Variants in FAM81A observed in about 807,000 individuals in gnomAD.
FAM81A encodes the protein family with sequence similarity 81 member A.
Under a neutral mutation model 46.7 loss-of-function variants are expected in FAM81A, and 19 were observed. That is an observed-to-expected ratio of 0.41 (90% confidence interval 0.28 to 0.60). The LOEUF is 0.60. Ranked by LOEUF, FAM81A falls within the 20% of genes least tolerant of loss-of-function variation. The pLI, the probability that FAM81A is intolerant of heterozygous loss-of-function variation, is 0.34. For synonymous variants in FAM81A, 183 were observed against 152.9 expected, an observed-to-expected ratio of 1.20 and a Z score of -1.45; for missense variants, 377 against 453.5, an observed-to-expected ratio of 0.83 and a Z score of 1.53.
rs199893551 is a variant in FAM81A at position 59,492,428 on chromosome 15, C to A, written c.413+39C>A. The A allele has an allele frequency of 2.0e-6, 3 of 1,522,512 alleles. No individual in the cohort carries two copies. The African/African-American group carries it at 4.1e-5, about 21-fold the overall frequency. 94.3% of individuals were successfully genotyped at this position (1,522,512 alleles called of 1,614,324 possible). On this transcript the variant is annotated intron_variant, in intron 4 of 8. Coordinates refer to ENST00000288228, the MANE Select transcript of FAM81A (RefSeq NM_152450.3). ...TGTTGGGGTCTCTGCTCATCAAAAA[C>A]CATTTTCTATAAACTCCATTATAGT...
chr15:59,468,234 G>A (rs1317643239), intron 3 of FAM81A, among the ~76,000 whole-genome samples: 2 of 152,136 alleles, frequency 1.3e-5, no homozygotes, highest in African/African-American at 2.4e-5. Context: ...AAGTGAGTTA[G>A]GGAGGATTCC....
chr15:59,506,150 G>T (rs1431073884), intron 4 of FAM81A, among the ~76,000 whole-genome samples: 1 of 149,620 alleles, frequency 6.7e-6, no homozygotes, highest in Non-Finnish European at 1.5e-5. Context: ...AGATTTTTTT[G>T]TTTGTTTGTT....
chr15:59,405,896 G>T (rs1407960817), intron 2 of FAM81A, among the ~76,000 whole-genome samples: 1 of 152,170 alleles, frequency 6.6e-6, no homozygotes, highest in Non-Finnish European at 1.5e-5. Context: ...GATTATGTCT[G>T]CCTTAGAGCG....
chr15:59,504,380 C>G (rs1567073729), intron 4 of FAM81A, among the ~76,000 whole-genome samples: 1 of 151,980 alleles, frequency 6.6e-6, no homozygotes, highest in Admixed American at 6.6e-5. Flanking sequence ...TTTATTAAGC[C>G]TCTACCATAT....
rs558906801 is a variant in FAM81A at position 59,431,470 on chromosome 15, T to C, written c.-77-27080T>C. On this transcript the variant is annotated intron_variant, in intron 2 of 4. Coordinates refer to the FAM81A transcript ENST00000558348. The stretch of plus-strand genomic sequence containing the variant: ...GGCTGGTCTCGAACTCCTGACCTCA[T>C]GATCCGCCTGCCTTGGCCTCCCACA... 5.3e-5 allele frequency among the ~76,000 whole-genome samples: 8 copies of C among 152,064 alleles called. No individual in the cohort carries two copies. In the South Asian group the frequency reaches 1.0e-3, roughly 20 times the overall value.
chr15:59,461,032 A>C (rs2081545300), intron 3 of FAM81A, among the ~76,000 whole-genome samples: 1 of 152,160 alleles, frequency 6.6e-6, no homozygotes, highest in Non-Finnish European at 1.5e-5. Context: ...TTGAGATATA[A>C]TGTAAATGTC....
At chr15:59,520,219 T>C (rs1448115842) in intron 8 of FAM81A, among the ~76,000 whole-genome samples, 2 of 152,144 alleles carry the variant, frequency 1.3e-5, no homozygotes, top group Non-Finnish European at 2.9e-5. Flanking sequence ...CCCTATACTG[T>C]TTTCCACTAT....
chr15:59,433,454 T>C (rs1275245033), upstream of FAM81A, among the ~76,000 whole-genome samples: 2 of 152,220 alleles, frequency 1.3e-5, no homozygotes, highest in Non-Finnish European at 2.9e-5. Context: ...TTGTGCTTTC[T>C]CTGCTGGTTG....
At chr15:59,411,368 T>C (rs75930056) in intron 2 of FAM81A, among the ~76,000 whole-genome samples, 2,539 of 152,188 alleles carry the variant, frequency 0.017, 70 homozygotes, top group African/African-American at 0.058. Flanking sequence ...AAGAGGTATA[T>C]ATGCATCTTC....
chr15:59,514,178 T>G (rs2082242934), intron 6 of FAM81A, 111 bp from the exon 7 acceptor site: 1 of 1,125,290 alleles, frequency 8.9e-7, no homozygotes, highest in Non-Finnish European at 1.2e-6. Context: ...CCATGGCACA[T>G]GTTTACCTGT....
At chr15:59,510,790 A>AAAAG (rs1451361344) in intron 6 of FAM81A, among the ~76,000 whole-genome samples, 1 of 148,256 alleles carries the variant, frequency 6.7e-6, no homozygotes, top group African/African-American at 2.5e-5. Context: ...AAAAAAAAAA[A>AAAAG]AAAAAAAAAA....
chr15:59,414,650 T>C (rs1224791064), intron 2 of FAM81A, among the ~76,000 whole-genome samples: 2 of 151,416 alleles, frequency 1.3e-5, no homozygotes, highest in Non-Finnish European at 3.0e-5. Context: ...ACAACTGAGT[T>C]CTTTTTTGAG....
At chr15:59,472,357 A>C (rs1419656526) in intron 3 of FAM81A, among the ~76,000 whole-genome samples, 1 of 152,060 alleles carries the variant, frequency 6.6e-6, no homozygotes, top group Non-Finnish European at 1.5e-5. Context: ...AACCAAACCA[A>C]ACCAAACCAA....
chr15:59,407,636 G>A (rs1177848753), intron 2 of FAM81A: 1 of 163,110 alleles, frequency 6.1e-6, no homozygotes, highest in Non-Finnish European at 1.3e-5. Context: ...GAGGCTGGGG[G>A]CAGGCAGAAG....
At chr15:59,515,099 G>A (rs906347775) in intron 7 of FAM81A, among the ~76,000 whole-genome samples, 1 of 152,040 alleles carries the variant, frequency 6.6e-6, no homozygotes, top group Admixed American at 6.5e-5. Flanking sequence ...ACAAAAATTA[G>A]CTGAGCATGG....
At chr15:59,490,926 A>G (rs1380802288) in intron 3 of FAM81A, among the ~76,000 whole-genome samples, 1 of 152,218 alleles carries the variant, frequency 6.6e-6, no homozygotes, top group Non-Finnish European at 1.5e-5. Context: ...AATGCTGGCA[A>G]GGATATGGAG....
At position 59,514,423 on chromosome 15, in the gene FAM81A, G is replaced by A; in HGVS notation, c.785G>A (p.Ser262Asn). The change falls in exon 7 of 9, where the codon AGT (serine) becomes AAT (asparagine). Residue 262 changes from serine (S) to asparagine (N), a missense_variant and splice_region_variant. Transcript: ENST00000288228. ...CTTTCCTTGATTGTTAAGGAAAACA[G>A]TGTAGGTATTGATGTTTAGCAAAAA... Reference protein sequence around the residue: ...DQLSLIVKENSGASERDMEKK... With the variant: ...DQLSLIVKENNGASERDMEKK... The A allele has an allele frequency of 6.2e-7, 1 of 1,611,764 alleles. No individual in the cohort carries two copies. Among genetic ancestry groups the A allele is most frequent in the Non-Finnish European group, 8.5e-7 (1 of 1,179,276 alleles).
At chr15:59,502,426 C>T (rs965568392) in intron 4 of FAM81A, among the ~76,000 whole-genome samples, 10 of 149,356 alleles carry the variant, frequency 6.7e-5, no homozygotes, top group Non-Finnish European at 1.3e-4. Flanking sequence ...TGAGAATATG[C>T]GGTGTTTGGT....
intron 3 of FAM81A, among the ~76,000 whole-genome samples, chr15:59,468,752 C>A (rs1471303671): frequency 6.6e-6 from 1 of 151,640 alleles, no homozygotes; most frequent in Non-Finnish European, 1.5e-5. Flanking sequence ...TTGCCTTATG[C>A]TAGCTTTTGA....
Sources: gnomAD v4.1 joint callset for allele counts (sites outside exome capture counted in the v4.1 genomes callset) on GRCh38, gnomAD v4.1.1 for gene constraint, MANE v1.5 for transcripts, NCBI Gene and HGNC (gene_info 2026-07-23, HGNC 2026-07-21) for gene names.